TMEM209: variants seen among roughly 807,000 people sequenced by gnomAD.
TMEM209 encodes the protein testicular tissue protein Li 202.
Under a neutral mutation model 76.2 loss-of-function variants are expected in TMEM209, and 65 were observed. The ratio of observed to expected loss-of-function variants is 0.85; its 90% confidence interval spans 0.70 to 1.05. The LOEUF is 1.05. Ranked by LOEUF, TMEM209 falls within the 50% of genes least tolerant of loss-of-function variation. The probability of loss-of-function intolerance (pLI) is 0.00; values close to 1 mark genes in which losing one functional copy is unlikely to be tolerated. For synonymous variants in TMEM209, 239 were observed against 237.6 expected (o/e 1.01, Z -0.06); for missense variants, 623 against 685.5 (o/e 0.91, Z 1.02).
chr7:130,197,652 T>C (rs1178496056), intron 5 of TMEM209, among the ~76,000 whole-genome samples: 1 of 152,222 alleles, frequency 6.6e-6, no homozygotes, highest in African/African-American at 2.4e-5. Context: ...GCAGACAGAA[T>C]AACTTAAAAA....
At chr7:130,166,829 G>C (rs1196763509) in intron 14 of TMEM209, among the ~76,000 whole-genome samples, 1 of 152,138 alleles carries the variant, frequency 6.6e-6, no homozygotes, top group Non-Finnish European at 1.5e-5. Flanking sequence ...GTATTTAAAA[G>C]ATGGAAGATA....
rs1308752005 is a variant in TMEM209 at position 130,165,461 on chromosome 7, G to A, written c.*990C>T. On this transcript the variant is annotated 3_prime_UTR_variant, in exon 15 of 15. Coordinates refer to ENST00000397622, the MANE Select transcript of TMEM209 (RefSeq NM_032842.4). ...TAACACATTATGGAATAGTAAAACT[G>A]AGCTGCTAAAACCAAAGTAGTAAAC... 2.0e-5 allele frequency: 3 copies of A among 152,054 alleles called. No homozygotes were observed. The highest frequency in any genetic ancestry group is 4.4e-5 in the Non-Finnish European group (3 of 68,022). The allele number at this position is 152,054 out of a possible 1,614,324, so 9.4% of individuals were successfully genotyped here.
chr7:130,203,763 G>C, intron 3 of TMEM209, 25 bp downstream of exon 3: 2 of 1,573,752 alleles, frequency 1.3e-6, no homozygotes, highest in Non-Finnish European at 1.7e-6. Context: ...GTAAATGTAA[G>C]TTACAGTGAA....
chr7:130,203,104 T>C (rs1308484143), intron 3 of TMEM209, among the ~76,000 whole-genome samples: 1 of 151,838 alleles, frequency 6.6e-6, no homozygotes, highest in East Asian at 1.9e-4. Flanking sequence ...AAAAAAAAAT[T>C]ATGTGTAGGT....
At chr7:130,166,547 G>A (rs1371200537) in intron 14 of TMEM209, 42 bp from the exon 15 acceptor site, 1 of 1,337,460 alleles carries the variant, frequency 7.5e-7, no homozygotes. Context: ...TGGTTGCCAA[G>A]CATTTAAGGT....
At chr7:130,201,704 T>C in intron 5 of TMEM209, 146 bp downstream of exon 5, 1 of 982,198 alleles carries the variant, frequency 1.0e-6, no homozygotes, top group Non-Finnish European at 1.5e-6. Context: ...TTTAAGATAT[T>C]ATGTTCTATT....
At chr7:130,167,200 C>T (rs1796909557) in intron 14 of TMEM209, among the ~76,000 whole-genome samples, 1 of 152,102 alleles carries the variant, frequency 6.6e-6, no homozygotes, top group South Asian at 2.1e-4. Flanking sequence ...CTTCGAGAAG[C>T]AGACTTGGGG....
chr7:130,180,660 C>A (rs1259861058), intron 9 of TMEM209, among the ~76,000 whole-genome samples: 1 of 152,116 alleles, frequency 6.6e-6, no homozygotes, highest in Non-Finnish European at 1.5e-5. Flanking sequence ...TGAGCCACCG[C>A]GCCCGGCCAA....
At chr7:130,186,774 A>C (rs1395985375) in intron 6 of TMEM209, among the ~76,000 whole-genome samples, 1 of 152,090 alleles carries the variant, frequency 6.6e-6, no homozygotes, top group Non-Finnish European at 1.5e-5. Context: ...CATGATGAAC[A>C]CCACCATCAC....
At chr7:130,180,332 A>C (rs1432123236) in intron 9 of TMEM209, among the ~76,000 whole-genome samples, 1 of 152,186 alleles carries the variant, frequency 6.6e-6, no homozygotes, top group Non-Finnish European at 1.5e-5. Context: ...AAAAAGACAA[A>C]TAACCAAATT....
chr7:130,202,205 T>C (rs1798234811), intron 4 of TMEM209, 114 bp from the exon 5 acceptor site: 1 of 1,328,986 alleles, frequency 7.5e-7, no homozygotes, highest in South Asian at 1.5e-5. Flanking sequence ...CAGAGTTACT[T>C]GGTTGTTAAA....
chr7:130,185,002 G>C (rs181544724), intron 7 of TMEM209, among the ~76,000 whole-genome samples, 190 bp downstream of exon 7: 1 of 152,296 alleles, frequency 6.6e-6, no homozygotes, highest in Admixed American at 6.5e-5. Context: ...AGAGTAAAAT[G>C]TATGATATAA....
intron 9 of TMEM209, 34 bp downstream of exon 9, chr7:130,181,589 T>A: frequency 1.3e-6 from 2 of 1,561,838 alleles, no homozygotes; most frequent in Non-Finnish European, 1.8e-6. Context: ...GATTTACTAA[T>A]AGAAATCCAA....
In TMEM209 at chr7:130,204,092, G is replaced by A. The variant is rs372033819; in HGVS notation, c.22C>T (p.Pro8Ser). 1.2e-6 allele frequency: 2 copies of A among 1,611,480 alleles called. No homozygotes were observed. Among genetic ancestry groups the A allele is most frequent in the South Asian group, 2.2e-5 (2 of 90,586 alleles). Residue 8 changes from proline to serine, a missense_variant, in exon 2 of 15, where the codon CCT becomes TCT. Pro to Ser is a moderately conservative substitution (Grantham distance 74). Transcript: ENST00000397622. MMQGEAH[P>S]SASLIDRTIK... ...GTTCTGTCAATAAGGGAAGCACTAGGGTGTGCCTCCCCCTGCATCTATGAA... is the reference window on the plus strand; with the variant it reads ...GTTCTGTCAATAAGGGAAGCACTAGAGTGTGCCTCCCCCTGCATCTATGAA...
chr7:130,194,615 T>C (rs1797909846), intron 5 of TMEM209, among the ~76,000 whole-genome samples: 1 of 152,220 alleles, frequency 6.6e-6, no homozygotes, highest in African/African-American at 2.4e-5. Context: ...CATAAATCTT[T>C]GACTGAATTT....
intron 9 of TMEM209, among the ~76,000 whole-genome samples, 167 bp downstream of exon 9, chr7:130,181,456 T>C (rs1797409133): frequency 1.3e-5 from 2 of 152,302 alleles, no homozygotes; most frequent in South Asian, 4.1e-4. Context: ...GTAGCTAAAT[T>C]ACATCTTGAT....
chr7:130,167,675 A>G (rs896766517), intron 14 of TMEM209, among the ~76,000 whole-genome samples: 2 of 152,174 alleles, frequency 1.3e-5, no homozygotes, highest in African/African-American at 4.8e-5. Flanking sequence ...GTCACTGTGC[A>G]GTCAAGTCTG....
intron 5 of TMEM209, among the ~76,000 whole-genome samples, chr7:130,197,703 G>C (rs537328011): frequency 1.2e-4 from 18 of 152,292 alleles, no homozygotes; most frequent in African/African-American, 4.3e-4. Context: ...TATGGTAATA[G>C]CTATTCTCTG....
rs1296811699 is a variant in TMEM209, at chr7:130,175,541, A to G, written c.1315T>C (p.Trp439Arg). ...NRGGDFKGRK[W>R]DTDLPTDSAI... is the part of the protein sequence containing the mutation. Reference sequence around the variant, plus strand: ...GAATCGGTGGGCAGGTCTGTATCCCACTTTCGTCCTTTGAAGTCGCCACCT... The same window carrying G: ...GAATCGGTGGGCAGGTCTGTATCCCGCTTTCGTCCTTTGAAGTCGCCACCT... Residue 439 changes from tryptophan to arginine, a missense_variant, in exon 11 of 15, where the codon TGG (tryptophan) becomes CGG (arginine). Coordinates refer to ENST00000397622, the MANE Select transcript of TMEM209 (RefSeq NM_032842.4). 11 of 1,613,288 alleles carry G rather than the reference A, an allele frequency of 6.8e-6. No individual in the cohort carries two copies. Among genetic ancestry groups the G allele is most frequent in the Non-Finnish European group, 9.3e-6 (11 of 1,179,626 alleles).
Sources: allele counts gnomAD v4.1 joint callset (sites outside exome capture counted in the v4.1 genomes callset), GRCh38; gene constraint gnomAD v4.1.1; transcripts MANE v1.5; gene names NCBI Gene and HGNC (gene_info 2026-07-23, HGNC 2026-07-21).